The following NRG1 variants were observed in gnomAD, a reference collection of about 807,000 sequenced individuals.
The protein encoded by NRG1 is neuregulin 1.
In NRG1, 18 loss-of-function variants were observed where a neutral mutation model predicts 63.8. The observed-to-expected ratio is 0.28, with a 90% CI of 0.19 to 0.42. The LOEUF (loss-of-function observed/expected upper bound fraction) is 0.42, where lower values mean the gene tolerates loss of function less well. Ranked by LOEUF, NRG1 falls within the 10% of genes least tolerant of loss-of-function variation. The pLI is 1.00. For synonymous variants in NRG1, 302 were observed against 301.3 expected, an observed-to-expected ratio of 1.00 and a Z score of -0.02; for missense variants, 762 against 814.7, an observed-to-expected ratio of 0.94 and a Z score of 0.79.
At chr8:32,444,965 C>T (rs534275854) in intron 1 of NRG1, among the ~76,000 whole-genome samples, 2 of 152,174 alleles carry the variant, frequency 1.3e-5, no homozygotes, top group Non-Finnish European at 2.9e-5. Context: ...CTAGCTGCTG[C>T]CCTTACATGT....
At position 32,429,416 on chromosome 8, in the gene NRG1, T is replaced by A. The variant is rs531185211; in HGVS notation, c.38-166412T>A. Reference sequence around the variant, plus strand: ...ACTTTGGCCCAAACACTATGAAGCCTTTTGCCCACTGGCTCAGCTTCTCTT... The same window carrying A: ...ACTTTGGCCCAAACACTATGAAGCCATTTGCCCACTGGCTCAGCTTCTCTT... On this transcript the variant is annotated intron_variant, in intron 1 of 10. Transcript: ENST00000519301. Among the ~76,000 whole-genome samples, 37 of 152,274 alleles carry A rather than the reference T, an allele frequency of 2.4e-4. 2 individuals carry two copies. In the South Asian group the frequency reaches 7.7e-3, roughly 32 times the overall value.
intron 5 of NRG1, among the ~76,000 whole-genome samples, chr8:32,625,081 C>T (rs1194149415): frequency 3.9e-5 from 6 of 152,168 alleles, no homozygotes; most frequent in African/African-American, 9.7e-5. Context: ...TAAACCTAAA[C>T]GAAATAACAA....
rs527752630 is a variant in NRG1 at position 31,657,477 on chromosome 8, G to A, written c.37+18046G>A. Among the ~76,000 whole-genome samples, 5 of 152,268 alleles carry A rather than the reference G, an allele frequency of 3.3e-5. No individual in the cohort carries two copies. In the South Asian group the frequency reaches 1.0e-3, roughly 32 times the overall value. On this transcript the variant is annotated intron_variant, in intron 1 of 10. Transcript: ENST00000519301. ...TAAAATGGGTTGCATATTATAGTGTGCAAATTCCTGGACTAGACTTCCAGA... is the reference window on the plus strand; with the variant it reads ...TAAAATGGGTTGCATATTATAGTGTACAAATTCCTGGACTAGACTTCCAGA...
intron 1 of NRG1, among the ~76,000 whole-genome samples, chr8:32,356,291 AATTAGACATCGACTGTGTAGTCAACATT>A (rs1806378733): frequency 1.3e-5 from 2 of 152,220 alleles, no homozygotes; most frequent in South Asian, 4.1e-4. Context: ...TACAAGGGGT[AATTAGACATCGACTGTGTAGTCAACATT>A]ATGATCAGGC....
At chr8:31,662,631 G>A (rs150440790) in intron 1 of NRG1, among the ~76,000 whole-genome samples, 239 of 152,250 alleles carry the variant, frequency 1.6e-3, no homozygotes, top group African/African-American at 5.2e-3. Context: ...AGTCAAGGTC[G>A]TCACCTTTTA....
intron 1 of NRG1, among the ~76,000 whole-genome samples, chr8:32,080,803 GTGTGTGA>G (rs1827351809): frequency 1.5e-5 from 2 of 135,528 alleles, no homozygotes; most frequent in Non-Finnish European, 3.4e-5. Context: ...GTGTGTGTGT[GTGTGTGA>G]CAGAGACAGA....
chr8:32,390,431 C>G (rs1811582277), intron 1 of NRG1, among the ~76,000 whole-genome samples: 1 of 151,610 alleles, frequency 6.6e-6, no homozygotes, highest in Non-Finnish European at 1.5e-5. Context: ...AAATAAACAA[C>G]CAGGCGTGGT....
At chr8:32,450,565 G>A (rs893690012) in intron 1 of NRG1, among the ~76,000 whole-genome samples, 4 of 152,100 alleles carry the variant, frequency 2.6e-5, no homozygotes, top group Non-Finnish European at 5.9e-5. Flanking sequence ...ACAGGTACAT[G>A]TCACCACACC....
At chr8:31,962,608 CT>C (rs1196283813) in intron 1 of NRG1, among the ~76,000 whole-genome samples, 1 of 152,106 alleles carries the variant, frequency 6.6e-6, no homozygotes, top group Non-Finnish European at 1.5e-5. Flanking sequence ...TCAAAAATTA[CT>C]TTTGCTGTCA....
At chr8:32,551,910 C>CTTTTTTT (rs34051371) in intron 1 of NRG1, among the ~76,000 whole-genome samples, 1 of 112,166 alleles carries the variant, frequency 8.9e-6, no homozygotes, top group Non-Finnish European at 1.7e-5. Context: ...AAAACCAGAG[C>CTTTTTTT]TTTTTTTTTT....
At chr8:32,141,548 A>G (rs544808610) in intron 1 of NRG1, among the ~76,000 whole-genome samples, 75 of 144,376 alleles carry the variant, frequency 5.2e-4, no homozygotes, top group African/African-American at 1.9e-3. Flanking sequence ...GTGTGTGTAT[A>G]TATATACTTT....
At chr8:32,158,458 TATATATATATATATC>T (rs1476631968) in intron 1 of NRG1, among the ~76,000 whole-genome samples, 1 of 126,068 alleles carries the variant, frequency 7.9e-6, no homozygotes, top group Admixed American at 8.5e-5. Flanking sequence ...GATATATATA[TATATATATATATATC>T]ATGTATATGT....
chr8:32,251,206 G>A (rs916289093), intron 1 of NRG1, among the ~76,000 whole-genome samples: 3 of 150,934 alleles, frequency 2.0e-5, no homozygotes, highest in South Asian at 2.1e-4. Flanking sequence ...ATCCCTCCCC[G>A]CTCCCCCCAC....
chr8:32,733,776 C>G (rs1475024140), intron 6 of NRG1, among the ~76,000 whole-genome samples: 1 of 152,008 alleles, frequency 6.6e-6, no homozygotes, highest in Admixed American at 6.5e-5. Context: ...CCAAATGGTA[C>G]AATGCTGACT....
chr8:32,209,372 A>G (rs191702318), intron 1 of NRG1, among the ~76,000 whole-genome samples: 1 of 151,820 alleles, frequency 6.6e-6, no homozygotes, highest in Non-Finnish European at 1.5e-5. Context: ...CTGTTTTTCT[A>G]GCTTTTTTTA....
At chr8:32,647,564 G>A (rs924190590) in intron 5 of NRG1, 94 of 985,190 alleles carry the variant, frequency 9.5e-5, no homozygotes, top group Non-Finnish European at 1.1e-4. Context: ...TTCCCCCCTT[G>A]CATCTTTCTG....
intron 3 of NRG1, among the ~76,000 whole-genome samples, chr8:32,613,140 G>A (rs1392835414): frequency 6.6e-6 from 1 of 151,932 alleles, no homozygotes; most frequent in Non-Finnish European, 1.5e-5. Context: ...CTTTCAGTGA[G>A]CCCCATTTTT....
chr8:32,650,312 A>T (rs1322598439), intron 5 of NRG1, among the ~76,000 whole-genome samples: 2 of 152,148 alleles, frequency 1.3e-5, no homozygotes, highest in Non-Finnish European at 2.9e-5. Context: ...GGCCAGTTTG[A>T]CCAGATGCAC....
chr8:32,588,308 G>A (rs1156995105), intron 1 of NRG1, among the ~76,000 whole-genome samples: 1 of 152,110 alleles, frequency 6.6e-6, no homozygotes, highest in East Asian at 1.9e-4. Context: ...CTTAGCATAA[G>A]CATTCTATTT....
Sources: gnomAD v4.1 joint callset for allele counts (sites outside exome capture counted in the v4.1 genomes callset) on GRCh38, gnomAD v4.1.1 for gene constraint, MANE v1.5 for transcripts, NCBI Gene and HGNC (gene_info 2026-07-23, HGNC 2026-07-21) for gene names.